MTMR10: variants seen among roughly 807,000 people sequenced by gnomAD.
MTMR10 encodes myotubularin related protein 10.
MTMR10 carries 56 observed loss-of-function variants against 88.1 expected under a neutral mutation model. The observed-to-expected ratio is 0.64, with a 90% CI of 0.51 to 0.79. MTMR10 has a LOEUF of 0.79. Ranked by LOEUF, MTMR10 falls within the 30% of genes least tolerant of loss-of-function variation. The pLI is 0.00. For synonymous variants in MTMR10, 380 were observed against 340.9 expected (o/e 1.11, Z -1.26); for missense variants, 883 against 924.7 (o/e 0.95, Z 0.58).
chr15:30,946,780 C>T (rs941842653), intron 14 of MTMR10: 52 of 701,526 alleles, frequency 7.4e-5, no homozygotes, highest in Middle Eastern at 2.3e-4. Context: ...TCCTACTGAC[C>T]TAGGAAATAA....
chr15:30,974,310 T>C lies in MTMR10; in HGVS notation c.474+4A>G, dbSNP rs112731064. On this transcript the variant is annotated splice_donor_region_variant and intron_variant, in intron 5 of 15. Transcript: ENST00000435680. ...CAGAACTTGATAAACCTTAACAGTA[T>C]TACCTTTTTAGCACTTTCGGGACCT... 4 of 1,594,552 alleles carry C rather than the reference T, an allele frequency of 2.5e-6. No homozygotes were observed. The African/African-American group carries it at 4.0e-5, about 16-fold the overall frequency.
chr15:30,929,745 C>A, the MTMR10 span, among the ~76,000 whole-genome samples: 11 of 35,420 alleles, frequency 3.1e-4, no homozygotes, highest in East Asian at 1.3e-3. Flanking sequence ...TATATTATAT[C>A]ATATATAATA....
chr15:30,977,483 T>TA (rs2030238503), intron 2 of MTMR10, among the ~76,000 whole-genome samples: 1 of 152,176 alleles, frequency 6.6e-6, no homozygotes, highest in Admixed American at 6.5e-5. Flanking sequence ...AACAAAACCT[T>TA]AAAACGTAGT....
rs1309672288 is a variant in MTMR10, at chr15:30,941,560, GCA to G, written c.2242_2243del (p.Cys748GlnfsTer23). 3.7e-6 allele frequency: 6 copies of G among 1,602,526 alleles called. No individual in the cohort carries two copies. Among genetic ancestry groups the G allele is most frequent in the South Asian group, 1.1e-5 (1 of 89,440 alleles). On this transcript the variant is annotated frameshift_variant, in exon 16 of 16. Transcript: ENST00000435680. LOFTEE classifies it high-confidence loss of function. ...SFPFSPVGNL[C>X]RRSILGTPLS... is the part of the protein sequence containing the mutation. ...ATGGTGTTCCTAAAATGCTTCGTCT[GCA>G]CAGATTCCCTACAGGAGAAAATGGA...
At chr15:30,937,416 C>T (rs1332290376), downstream of MTMR10, among the ~76,000 whole-genome samples, 2 of 150,698 alleles carry the variant, frequency 1.3e-5, no homozygotes, top group African/African-American at 4.9e-5. Context: ...TGCTTGAATA[C>T]ACTCATTGAT....
In MTMR10 at chr15:30,976,891, G is replaced by A. The variant is rs779928967; in HGVS notation, c.186C>T (p.Tyr62=). The A allele has an allele frequency of 5.7e-5, 92 of 1,613,532 alleles. 1 individual carries two copies. The highest frequency in any genetic ancestry group is 2.9e-4 in the South Asian group (26 of 91,074). ...TGCATATCAGCTTTCCCCACAAATC[G>A]TACTGGCTTGTGTCTGTTGCAATGC... The part of the protein sequence containing the change: ...RKCIATDTSQ[Y]DLWGKLICSN... Residue 62 remains tyrosine, a synonymous_variant, in exon 3 of 16, where the codon TAC becomes TAT. Coordinates refer to ENST00000435680, the MANE Select transcript of MTMR10 (RefSeq NM_017762.3).
intron 9 of MTMR10, among the ~76,000 whole-genome samples, chr15:30,957,651 A>G (rs1029836352): frequency 3.9e-5 from 6 of 152,098 alleles, no homozygotes; most frequent in African/African-American, 1.4e-4. Context: ...TGAACCCGGG[A>G]GCCGAGATCG....
chr15:30,928,220 G>A, the MTMR10 span: 4 of 1,048,582 alleles, frequency 3.8e-6, no homozygotes, highest in Non-Finnish European at 4.6e-6. Context: ...TTGGGAACCT[G>A]AGGAGGGTAT....
chr15:30,927,329 G>A, the MTMR10 span: 1 of 985,516 alleles, frequency 1.0e-6, no homozygotes, highest in Non-Finnish European at 1.2e-6. Flanking sequence ...ACTCCTGGCT[G>A]GGAAAGAGCA....
At chr15:30,961,212 T>C (rs1459149370) in intron 6 of MTMR10, 139 bp from the exon 7 acceptor site, 1 of 1,190,404 alleles carries the variant, frequency 8.4e-7, no homozygotes, top group African/African-American at 1.6e-5. Context: ...CCGAGAACTG[T>C]CTTGCCCTTT....
intron 7 of MTMR10, 144 bp from the exon 8 acceptor site, chr15:30,959,265 GC>G: frequency 1.4e-6 from 1 of 694,478 alleles, no homozygotes; most frequent in Non-Finnish European, 2.4e-6. Flanking sequence ...CCATGGGGGG[GC>G]AGTGACGATC....
In MTMR10 at chr15:30,941,681, T is replaced by TA; in HGVS notation, c.2122dup (p.Tyr708LeufsTer64). The TA allele has an allele frequency of 6.2e-7, 1 of 1,613,718 alleles. No individual in the cohort carries two copies. The highest frequency in any genetic ancestry group is 8.5e-7 in the Non-Finnish European group (1 of 1,179,760). On this transcript the variant is annotated frameshift_variant, in exon 16 of 16. Coordinates refer to ENST00000435680, the MANE Select transcript of MTMR10 (RefSeq NM_017762.3). LOFTEE classifies it high-confidence loss of function. ...CATCCTGCTCTGGCCCAGCTCCCCA[T>TA]AGCAGGCCTCCAGGGGGCCACTGCG...
chr15:30,950,783 C>T (rs2063233679), intron 12 of MTMR10, among the ~76,000 whole-genome samples: 1 of 152,124 alleles, frequency 6.6e-6, no homozygotes, highest in Admixed American at 6.5e-5. Flanking sequence ...TCCAGGGCCT[C>T]CTTTGGATAC....
chr15:30,948,733 C>T (rs148539789), intron 12 of MTMR10: 27 of 514,952 alleles, frequency 5.2e-5, no homozygotes, highest in East Asian at 1.8e-4. Flanking sequence ...TTTTTACATT[C>T]GAATGGTTTG....
chr15:30,930,437 C>T, the MTMR10 span: 2 of 1,345,596 alleles, frequency 1.5e-6, no homozygotes, highest in Admixed American at 5.4e-5. Flanking sequence ...TCCATGTGCA[C>T]TGAATTACAT....
At chr15:30,918,862 T>G in the MTMR10 span, among the ~76,000 whole-genome samples, 5 of 152,148 alleles carry the variant, frequency 3.3e-5, no homozygotes, top group Non-Finnish European at 7.4e-5. Flanking sequence ...TCATTTAGGA[T>G]ATACAGTTGA....
At chr15:30,958,159 T>C (rs1331729126) in intron 9 of MTMR10, among the ~76,000 whole-genome samples, 2 of 152,216 alleles carry the variant, frequency 1.3e-5, no homozygotes, top group African/African-American at 4.8e-5. Flanking sequence ...TATAAATGTG[T>C]TGGTCACTAA....
At chr15:30,928,506 T>TTTTGTGTGTGTG in the MTMR10 span, 7 of 1,484,628 alleles carry the variant, frequency 4.7e-6, no homozygotes, top group African/African-American at 5.9e-5. Flanking sequence ...AAAACAGATT[T>TTTTGTGTGTGTG]TGTGTGTGTG....
rs2062989388 is a variant in MTMR10, at chr15:30,940,129, T to G, written c.*1341A>C. 1 of 985,318 alleles carries G rather than the reference T, an allele frequency of 1.0e-6. No homozygotes were observed. The highest frequency in any genetic ancestry group is 6.2e-5 in the Admixed American group (1 of 16,260). 61.0% of individuals were successfully genotyped at this position (985,318 alleles called of 1,614,324 possible). On this transcript the variant is annotated 3_prime_UTR_variant, in exon 16 of 16. Transcript: ENST00000435680. Reference sequence around the variant, plus strand: ...ATTTTCCATATCTTAGGATGGCAGTTTAAGAAACAGTCAAATTTGAAAGTA... The same window carrying G: ...ATTTTCCATATCTTAGGATGGCAGTGTAAGAAACAGTCAAATTTGAAAGTA...
Sources: gnomAD v4.1 joint callset for allele counts (sites outside exome capture counted in the v4.1 genomes callset) on GRCh38, gnomAD v4.1.1 for gene constraint, MANE v1.5 for transcripts, NCBI Gene and HGNC (gene_info 2026-07-23, HGNC 2026-07-21) for gene names.